RBFOX3: variants seen among roughly 807,000 people sequenced by gnomAD.
RBFOX3 encodes the protein RNA binding fox-1 homolog 3.
In RBFOX3, 17 loss-of-function variants were observed where a neutral mutation model predicts 48.7. The observed-to-expected ratio is 0.35, with a 90% CI of 0.24 to 0.52. The LOEUF is 0.52. Ranked by LOEUF, RBFOX3 falls within the 20% of genes least tolerant of loss-of-function variation. RBFOX3 has a pLI of 0.94. For synonymous variants in RBFOX3, 212 were observed against 209.5 expected (o/e 1.01, Z -0.10); for missense variants, 382 against 497.5 (o/e 0.77, Z 2.21).
intron 4 of RBFOX3, among the ~76,000 whole-genome samples, chr17:79,137,402 T>G (rs2040472708): frequency 6.6e-6 from 1 of 152,078 alleles, no homozygotes; most frequent in Admixed American, 6.5e-5. Context: ...TCAAATATCC[T>G]CAGGCAGGGG....
At chr17:79,166,283 G>A (rs1428462390) in intron 4 of RBFOX3, among the ~76,000 whole-genome samples, 1 of 152,180 alleles carries the variant, frequency 6.6e-6, no homozygotes, top group Non-Finnish European at 1.5e-5. Flanking sequence ...TGGGAGGGGA[G>A]CCTTGGCAGG....
At chr17:79,407,417 G>A (rs1296155833) in intron 2 of RBFOX3, among the ~76,000 whole-genome samples, 1 of 152,244 alleles carries the variant, frequency 6.6e-6, no homozygotes, top group Non-Finnish European at 1.5e-5. Flanking sequence ...GTTAAAAGAG[G>A]CTTCCCCTGG....
chr17:79,225,304 T>C (rs2060189374), intron 4 of RBFOX3, among the ~76,000 whole-genome samples: 1 of 150,724 alleles, frequency 6.6e-6, no homozygotes, highest in Non-Finnish European at 1.5e-5. Flanking sequence ...TTTTTTTTTT[T>C]TTTTTAGACA....
chr17:79,449,913 G>C (rs1449792893), intron 2 of RBFOX3, among the ~76,000 whole-genome samples: 2 of 152,166 alleles, frequency 1.3e-5, no homozygotes, highest in African/African-American at 4.8e-5. Flanking sequence ...CTTCCAGCCA[G>C]CCCGCTCGTT....
At chr17:79,365,546 A>G (rs1254623487) in intron 2 of RBFOX3, among the ~76,000 whole-genome samples, 1 of 152,250 alleles carries the variant, frequency 6.6e-6, no homozygotes, top group Non-Finnish European at 1.5e-5. Context: ...AGATAAATGG[A>G]TTACGGCAAG....
At chr17:79,546,532 G>A (rs146407126) in intron 1 of RBFOX3, among the ~76,000 whole-genome samples, 234 of 142,436 alleles carry the variant, frequency 1.6e-3, no homozygotes, top group Non-Finnish European at 2.7e-3. Context: ...TCCATCTGAC[G>A]GCTTCCCAAT....
intron 1 of RBFOX3, among the ~76,000 whole-genome samples, chr17:79,564,895 G>A (rs1350055077): frequency 6.6e-6 from 1 of 152,052 alleles, no homozygotes; most frequent in African/African-American, 2.4e-5. Flanking sequence ...ACAAAAATTA[G>A]CCGGGCGTGC....
In RBFOX3 at chr17:79,305,243, G is replaced by A. The variant is rs556547179; in HGVS notation, c.-74+2481C>T. Reference sequence around the variant, plus strand: ...TGTGGGGGGGAAAGGGAGAGGTGGGGGCAGGGGGCTTGGAACCCTGCGGCC... The same window carrying A: ...TGTGGGGGGGAAAGGGAGAGGTGGGAGCAGGGGGCTTGGAACCCTGCGGCC... On this transcript the variant is annotated intron_variant, in intron 3 of 14. Coordinates refer to ENST00000693108, the MANE Select transcript of RBFOX3 (RefSeq NM_001350451.2). Among the ~76,000 whole-genome samples, 4 of 152,118 alleles carry A rather than the reference G, an allele frequency of 2.6e-5. No individual in the cohort carries two copies. In the South Asian group the frequency reaches 8.3e-4, roughly 32 times the overall value.
At chr17:79,559,161 G>A (rs1207518777) in intron 1 of RBFOX3, among the ~76,000 whole-genome samples, 9 of 152,292 alleles carry the variant, frequency 5.9e-5, no homozygotes, top group South Asian at 4.1e-4. Context: ...TGGGAGGGGC[G>A]GGGGTTGTCT....
In RBFOX3 at chr17:79,198,918, T is replaced by C. The variant is rs1201837355; in HGVS notation, c.-34+36848A>G. 6.6e-6 allele frequency among the ~76,000 whole-genome samples: 1 copy of C among 152,136 alleles called. No homozygotes were observed. The highest frequency in any genetic ancestry group is 2.4e-5 in the African/African-American group (1 of 41,444). ...TGCTGGGATTACAGGTGTGAGCCAC[T>C]GCACCTGGCCGAGCTTTTTGATGCC... On this transcript the variant is annotated intron_variant, in intron 4 of 14. Transcript: ENST00000693108. This position sits in a 1 kb window ranked among gnomAD's most constrained non-coding sequence, Gnocchi z 8.2.
intron 3 of RBFOX3, among the ~76,000 whole-genome samples, chr17:79,244,749 C>T (rs2062894584): frequency 1.9e-5 from 1 of 51,318 alleles, no homozygotes; most frequent in African/African-American, 3.9e-5. Context: ...TCCTTTCCTT[C>T]CTTCCTTCCT....
At chr17:79,405,636 G>T (rs954785420) in intron 2 of RBFOX3, among the ~76,000 whole-genome samples, 1 of 152,162 alleles carries the variant, frequency 6.6e-6, no homozygotes, top group African/African-American at 2.4e-5. Flanking sequence ...CAGGAGAATC[G>T]CTTGAACCCA....
intron 1 of RBFOX3, among the ~76,000 whole-genome samples, chr17:79,584,799 T>A (rs894460638): frequency 6.6e-5 from 10 of 151,858 alleles, no homozygotes; most frequent in Non-Finnish European, 1.0e-4. Context: ...TGAGTCTCAC[T>A]CTGTCGCCCA....
the RBFOX3 span, among the ~76,000 whole-genome samples, chr17:79,640,368 G>A: frequency 6.6e-6 from 1 of 152,276 alleles, no homozygotes; most frequent in South Asian, 2.1e-4. Context: ...TAGTTAAAAT[G>A]TGCATACCAC....
At chr17:79,376,185 A>C (rs1475276168) in intron 2 of RBFOX3, among the ~76,000 whole-genome samples, 1 of 151,998 alleles carries the variant, frequency 6.6e-6, no homozygotes, top group African/African-American at 2.4e-5. Context: ...CTGGGCGAGG[A>C]GACTGCCTTC....
At chr17:79,147,878 G>A (rs2043373526) in intron 4 of RBFOX3, among the ~76,000 whole-genome samples, 1 of 152,246 alleles carries the variant, frequency 6.6e-6, no homozygotes, top group Admixed American at 6.5e-5. Flanking sequence ...TGAAACAGAG[G>A]CTGTGAAGGG....
chr17:79,381,801 T>A (rs1178809919), intron 2 of RBFOX3, among the ~76,000 whole-genome samples: 1 of 152,082 alleles, frequency 6.6e-6, no homozygotes, highest in Non-Finnish European at 1.5e-5. Flanking sequence ...CTTTCCCATC[T>A]CCAAATGTTG....
intron 3 of RBFOX3, among the ~76,000 whole-genome samples, chr17:79,295,219 G>C (rs2074137901): frequency 1.3e-5 from 2 of 152,184 alleles, no homozygotes; most frequent in South Asian, 4.1e-4. Flanking sequence ...AATCCGCCTC[G>C]TGTGTCCTCA....
rs1282847303 is a variant in RBFOX3 at position 79,423,519 on chromosome 17, C to T, written c.-175+58935G>A. ...AGAAGTCACATCCTGCCAGCGCTGC[C>T]GGTACCCAGCACCTGGGGTTCTCCG... On this transcript the variant is annotated intron_variant, in intron 2 of 14. Transcript: ENST00000693108. The surrounding 1 kb of genome is among the most constrained non-coding windows in gnomAD (Gnocchi z 4.9). Among the ~76,000 whole-genome samples, 2 of 152,096 alleles carry T rather than the reference C, an allele frequency of 1.3e-5. No homozygotes were observed. Among genetic ancestry groups the T allele is most frequent in the Non-Finnish European group, 2.9e-5 (2 of 68,018 alleles).
Sources: allele counts gnomAD v4.1 joint callset (sites outside exome capture counted in the v4.1 genomes callset), GRCh38; gene constraint gnomAD v4.1.1; non-coding constraint Gnocchi (gnomAD v3.1); transcripts MANE v1.5; gene names NCBI Gene and HGNC (gene_info 2026-07-23, HGNC 2026-07-21).